Variants in FGFR3 observed in about 807,000 individuals in gnomAD.
FGFR3 encodes FGFR-3.
A neutral mutation model predicts 82.9 loss-of-function variants in FGFR3; 25 were observed. The observed-to-expected ratio is 0.30, with a 90% CI of 0.22 to 0.42. The LOEUF is 0.42. Among genes scored for constraint, FGFR3 ranks in the 10% least tolerant of loss-of-function variants. The probability of loss-of-function intolerance (pLI) is 1.00; values close to 1 mark genes in which losing one functional copy is unlikely to be tolerated. For synonymous variants in FGFR3, 620 were observed against 516.0 expected, an observed-to-expected ratio of 1.20 and a Z score of -2.73; for missense variants, 1,026 against 1,161.0, an observed-to-expected ratio of 0.88 and a Z score of 1.69.
intron 8 of FGFR3, 129 bp from the exon 9 acceptor site, chr4:1,804,201 C>G: frequency 9.4e-7 from 1 of 1,066,832 alleles, no homozygotes; most frequent in East Asian, 2.4e-5. Context: ...ACCCTCCAGA[C>G]AAGGCGCGTG....
At chr4:1,805,287 G>A in intron 10 of FGFR3, 68 bp from the exon 11 acceptor site, 1 of 1,598,244 alleles carries the variant, frequency 6.3e-7, no homozygotes, top group Non-Finnish European at 8.5e-7. Flanking sequence ...CCAGGCTGGG[G>A]TGGGGACCGT....
chr4:1,795,473 A>T (rs1334956751), intron 2 of FGFR3, among the ~76,000 whole-genome samples: 1 of 151,146 alleles, frequency 6.6e-6, no homozygotes, highest in Non-Finnish European at 1.5e-5. Flanking sequence ...CTGGTGAAAC[A>T]GGTAGTGAGT....
At position 1,801,851 on chromosome 4, in the gene FGFR3, G is replaced by A. The variant is rs1310848577; in HGVS notation, c.756G>A (p.Arg252=). 1.2e-6 allele frequency: 2 copies of A among 1,608,734 alleles called. No homozygotes were observed. The highest frequency in any genetic ancestry group is 2.7e-5 in the African/African-American group (2 of 74,820). Residue 252 remains arginine (R), a synonymous_variant, in exon 7 of 18, where the codon CGG becomes CGA. Transcript: ENST00000440486. The stretch of plus-strand genomic sequence containing the variant: ...CCCCCACAGAGCGCTCCCCGCACCG[G>A]CCCATCCTGCAGGCGGGGCTGCCGG... The part of the protein sequence containing the change: ...TLDVLERSPH[R]PILQAGLPAN...
At position 1,806,593 on chromosome 4, in the gene FGFR3, C is replaced by A; in HGVS notation, c.2078C>A (p.Ser693Tyr). 1 of 1,613,162 alleles carries A rather than the reference C, an allele frequency of 6.2e-7. No homozygotes were observed. Among genetic ancestry groups the A allele is most frequent in the Admixed American group, 1.7e-5 (1 of 60,018 alleles). Residue 693 changes from serine to tyrosine, a missense_variant, in exon 16 of 18, where the codon TCC becomes TAC. Coordinates refer to ENST00000440486, the MANE Select transcript of FGFR3 (RefSeq NM_000142.5). ...LLWEIFTLGG[S>Y]PYPGIPVEEL... ...TGGGAGATCTTCACGCTGGGGGGCTCCCCGTACCCCGGCATCCCTGTGGAG... is the reference window on the plus strand; with the variant it reads ...TGGGAGATCTTCACGCTGGGGGGCTACCCGTACCCCGGCATCCCTGTGGAG...
intron 4 of FGFR3, among the ~76,000 whole-genome samples, chr4:1,801,161 G>A (rs965885247): frequency 2.6e-5 from 4 of 152,238 alleles, no homozygotes; most frequent in Admixed American, 2.6e-4. Flanking sequence ...TGGAGGGGAG[G>A]GGAGGGGACA....
At position 1,807,259 on chromosome 4, in the gene FGFR3, G is replaced by A. The variant is rs779088139; in HGVS notation, c.2418G>A (p.Thr806=). The change falls in exon 18 of 18, where the codon ACG becomes ACA. Residue 806 remains threonine (T), a synonymous_variant. Coordinates refer to ENST00000440486, the MANE Select transcript of FGFR3 (RefSeq NM_000142.5). ...CACCCAGCAGTGGGGGCTCGCGGAC[G>A]TGAAGGGCCACTGGTCCCCAACAAT... ...PAPPSSGGSR[T] 2.3e-5 allele frequency: 36 copies of A among 1,598,710 alleles called. No homozygotes were observed. Among genetic ancestry groups the A allele is most frequent in the South Asian group, 9.0e-5 (8 of 89,178 alleles).
At position 1,803,674 on chromosome 4, in the gene FGFR3, T is replaced by C; in HGVS notation, c.931-18T>C. The C allele has an allele frequency of 6.2e-7, 1 of 1,612,760 alleles. No homozygotes were observed. Among genetic ancestry groups the C allele is most frequent in the Non-Finnish European group, 8.5e-7 (1 of 1,179,726 alleles). ...GGCGGTGCTGGCGCTCGCCTATCGC[T>C]CTGCTCTCTCTTTGTAGACGGCGGG... On this transcript the variant is annotated intron_variant, in intron 7 of 17. Transcript: ENST00000440486.
chr4:1,795,051 TCCGCCCCGC>T (rs1285720627), intron 2 of FGFR3, among the ~76,000 whole-genome samples: 1 of 151,454 alleles, frequency 6.6e-6, no homozygotes, highest in Non-Finnish European at 1.5e-5. Flanking sequence ...GCAGATGGCG[TCCGCCCCGC>T]CCGCGCCCCC....
chr4:1,804,772 TC>T, intron 9 of FGFR3, 51 bp from the exon 10 acceptor site: 1 of 1,547,636 alleles, frequency 6.5e-7, no homozygotes. Context: ...CGGCTGTACC[TC>T]CACGCCCTGT....
At position 1,802,003 on chromosome 4, in the gene FGFR3, C is replaced by T. The variant is rs2108784965; in HGVS notation, c.908C>T (p.Thr303Ile). The change falls in exon 7 of 18, where the codon ACA becomes ATA. Residue 303 changes from threonine (T) to isoleucine (I), a missense_variant. Coordinates refer to ENST00000440486, the MANE Select transcript of FGFR3 (RefSeq NM_000142.5). ...GGCAGCAAGGTGGGCCCGGACGGCACACCCTACGTTACCGTGCTCAAGGTG... is the reference window on the plus strand; with the variant it reads ...GGCAGCAAGGTGGGCCCGGACGGCATACCCTACGTTACCGTGCTCAAGGTG... The part of the protein sequence containing the change: ...VNGSKVGPDG[T>I]PYVTVLKTAG... The T allele has an allele frequency of 1.2e-6, 2 of 1,612,428 alleles. No homozygotes were observed. The highest frequency in any genetic ancestry group is 1.7e-6 in the Non-Finnish European group (2 of 1,179,752).
intron 2 of FGFR3, among the ~76,000 whole-genome samples, 177 bp downstream of exon 2, chr4:1,794,220 T>A (rs180806150): frequency 1.5e-4 from 23 of 152,296 alleles, no homozygotes; most frequent in African/African-American, 5.5e-4. Flanking sequence ...CGGCGACTTG[T>A]GGTGCGCCCG....
rs1457537911 is a variant in FGFR3 at position 1,801,883 on chromosome 4, A to T, written c.788A>T (p.Gln263Leu). 1 of 1,610,328 alleles carries T rather than the reference A, an allele frequency of 6.2e-7. No individual in the cohort carries two copies. ...PILQAGLPANQTAVLGSDVEF... is the reference protein window; with the variant it reads ...PILQAGLPANLTAVLGSDVEF... ...CTGCAGGCGGGGCTGCCGGCCAACC[A>T]GACGGCGGTGCTGGGCAGCGACGTG... The change falls in exon 7 of 18, where the codon CAG (glutamine) becomes CTG (leucine). Residue 263 changes from glutamine to leucine, a missense_variant. Coordinates refer to ENST00000440486, the MANE Select transcript of FGFR3 (RefSeq NM_000142.5).
Position 1,805,605 on chromosome 4 carries a change from G to A in FGFR3, c.1581G>A (p.Glu527=). The change falls in exon 12 of 18, where the codon GAG becomes GAA. Residue 527 remains glutamate (E), a synonymous_variant. Coordinates refer to ENST00000440486, the MANE Select transcript of FGFR3 (RefSeq NM_000142.5). ...KDLSDLVSEM[E]MMKMIGKHKN... ...TGTCGGACCTGGTGTCTGAGATGGA[G>A]ATGATGAAGATGATCGGGAAACACA... 2 of 1,613,334 alleles carry A rather than the reference G, an allele frequency of 1.2e-6. No homozygotes were observed. The highest frequency in any genetic ancestry group is 1.7e-6 in the Non-Finnish European group (2 of 1,179,796).
At chr4:1,797,445 G>C (rs1201353807) in intron 2 of FGFR3, among the ~76,000 whole-genome samples, 1 of 152,220 alleles carries the variant, frequency 6.6e-6, no homozygotes, top group Non-Finnish European at 1.5e-5. Context: ...GATGGCCACT[G>C]GTGTGGCTGG....
chr4:1,794,132 G>A, intron 2 of FGFR3, 89 bp downstream of exon 2: 4 of 698,136 alleles, frequency 5.7e-6, no homozygotes, highest in Admixed American at 4.5e-5. Context: ...CGGAGGGGCC[G>A]CCGGGTGTGA....
Position 1,807,165 on chromosome 4 carries a change from A to G in FGFR3, c.2324A>G (p.Gln775Arg), listed in dbSNP as rs1199518187. Residue 775 changes from glutamine to arginine, a missense_variant, in exon 18 of 18, where the codon CAG becomes CGG. Physicochemically the swap from Gln to Arg is conservative, Grantham distance 43. Coordinates refer to ENST00000440486, the MANE Select transcript of FGFR3 (RefSeq NM_000142.5). ...TTCGAGCAGTACTCCCCGGGTGGCC[A>G]GGACACCCCCAGCTCCAGCTCCTCA... ...APFEQYSPGG[Q>R]DTPSSSSSGD... The G allele has an allele frequency of 2.5e-6, 4 of 1,602,212 alleles. No homozygotes were observed. The highest frequency in any genetic ancestry group is 1.3e-5 in the African/African-American group (1 of 74,788).
chr4:1,795,583 G>T (rs937479948), intron 2 of FGFR3, among the ~76,000 whole-genome samples: 1 of 152,236 alleles, frequency 6.6e-6, no homozygotes, highest in Non-Finnish European at 1.5e-5. Flanking sequence ...GCTGGCGCTT[G>T]CCCGGGAACA....
chr4:1,805,181 G>A (rs1205552557), intron 10 of FGFR3, among the ~76,000 whole-genome samples, 174 bp from the exon 11 acceptor site: 1 of 152,264 alleles, frequency 6.6e-6, no homozygotes, highest in Non-Finnish European at 1.5e-5. Flanking sequence ...GCAAGGGCGG[G>A]AGGCTGTGGG....
intron 2 of FGFR3, among the ~76,000 whole-genome samples, chr4:1,797,151 T>C (rs1279840155): frequency 2.0e-5 from 3 of 152,134 alleles, no homozygotes; most frequent in Admixed American, 6.5e-5. Flanking sequence ...GGCCTCCCTT[T>C]TGTGGATCAA....
Sources: gnomAD v4.1 joint callset for allele counts (sites outside exome capture counted in the v4.1 genomes callset) on GRCh38, gnomAD v4.1.1 for gene constraint, MANE v1.5 for transcripts, NCBI Gene and HGNC (gene_info 2026-07-23, HGNC 2026-07-21) for gene names.